The following KLK13 variants were observed in gnomAD, a reference collection of about 807,000 sequenced individuals.
KLK13 encodes the protein kallikrein-13.
Under a neutral mutation model 22.4 loss-of-function variants are expected in KLK13, and 19 were observed. The ratio of observed to expected loss-of-function variants is 0.85; its 90% CI spans 0.59 to 1.24. The LOEUF is 1.24. KLK13 is among the 50% of genes most tolerant of loss of function. The probability of loss-of-function intolerance (pLI) is 0.00; values close to 1 mark genes in which losing one functional copy is unlikely to be tolerated. For synonymous variants in KLK13, 156 were observed against 141.8 expected (o/e 1.10, Z -0.71); for missense variants, 311 against 347.9 (o/e 0.89, Z 0.84).
At chr19:51,063,664 G>A (rs781053700) in intron 1 of KLK13, 45 of 456,550 alleles carry the variant, frequency 9.9e-5, no homozygotes, top group South Asian at 4.2e-4. Flanking sequence ...GGAGTGGCAC[G>A]GGCATGAATC....
chr19:51,058,716 T>C, intron 3 of KLK13, 42 bp from the exon 4 acceptor site: 1 of 1,607,674 alleles, frequency 6.2e-7, no homozygotes, highest in Non-Finnish European at 8.5e-7. Context: ...CCGACCTGGA[T>C]AGGATATGGG....
At chr19:51,061,479 A>G (rs2091730822) in intron 1 of KLK13, among the ~76,000 whole-genome samples, 2 of 152,210 alleles carry the variant, frequency 1.3e-5, no homozygotes, top group Admixed American at 1.3e-4. Context: ...CTCAATCAAA[A>G]CTGTTCGCTC....
upstream of KLK13, chr19:51,065,154 C>A (rs761895493): frequency 9.9e-5 from 89 of 901,876 alleles, no homozygotes; most frequent in Non-Finnish European, 1.4e-4. Context: ...GGAACCTCCG[C>A]GTCTGAAACC....
intron 2 of KLK13, 35 bp downstream of exon 2, chr19:51,060,398 C>A: frequency 6.5e-7 from 1 of 1,538,418 alleles, no homozygotes; most frequent in South Asian, 1.2e-5. Flanking sequence ...GTCCCATTCT[C>A]ATCCCTACCC....
At chr19:51,064,662 T>A (rs1040890468) in intron 1 of KLK13, 5 of 574,716 alleles carry the variant, frequency 8.7e-6, no homozygotes, top group Admixed American at 2.0e-5. Flanking sequence ...ATTTTCCAGA[T>A]GAAAACAATT....
intron 2 of KLK13, 132 bp downstream of exon 2, chr19:51,060,301 C>G: frequency 8.8e-7 from 1 of 1,133,358 alleles, no homozygotes; most frequent in Non-Finnish European, 1.2e-6. Flanking sequence ...TATCTCAACC[C>G]CAAACCTCAT....
upstream of KLK13, chr19:51,065,146 A>G: frequency 9.6e-7 from 1 of 1,038,682 alleles, no homozygotes. Flanking sequence ...GCGTGCCCGG[A>G]ACCTCCGCGT....
At chr19:51,056,851 GGA>G in intron 4 of KLK13, 76 bp from the exon 5 acceptor site, 1 of 1,133,736 alleles carries the variant, frequency 8.8e-7, no homozygotes, top group Non-Finnish European at 1.3e-6. Context: ...GGAGGTGTGG[GGA>G]GAGAGTGAAA....
intron 1 of KLK13, among the ~76,000 whole-genome samples, chr19:51,062,288 C>T (rs779848409): frequency 1.9e-4 from 29 of 152,102 alleles, no homozygotes; most frequent in Non-Finnish European, 4.3e-4. Context: ...GAGGTCAGCT[C>T]AAATGTCTCC....
Position 51,058,646 on chromosome 19 carries a change from G to A in KLK13, c.537C>T (p.Ala179=). 1 of 1,614,130 alleles carries A rather than the reference G, an allele frequency of 6.2e-7. No individual in the cohort carries two copies. Among genetic ancestry groups the A allele is most frequent in the Non-Finnish European group, 8.5e-7 (1 of 1,180,016 alleles). The stretch of plus-strand genomic sequence containing the variant: ...CCTCATCTGAGCGAAGTTGGATGTT[G>A]GCACATTGTAGAGTTTTGGGGTAAT... ...QVNYPKTLQC[A]NIQLRSDEEC... The change falls in exon 4 of 5, where the codon GCC becomes GCT. Residue 179 remains alanine (A), a synonymous_variant. Coordinates refer to ENST00000595793, the MANE Select transcript of KLK13 (RefSeq NM_015596.3).
intron 4 of KLK13, 40 bp from the exon 5 acceptor site, chr19:51,056,815 G>C (rs1431944139): frequency 2.0e-6 from 3 of 1,535,880 alleles, no homozygotes; most frequent in East Asian, 2.3e-5. Context: ...GTGGGTCCTT[G>C]CTGGGGCTAA....
intron 2 of KLK13, 150 bp from the exon 3 acceptor site, chr19:51,060,243 T>A: frequency 8.8e-7 from 1 of 1,132,012 alleles, no homozygotes. Flanking sequence ...TCAACTTCAA[T>A]CCCATCCAAA....
At chr19:51,059,279 C>A (rs189872047) in intron 3 of KLK13, among the ~76,000 whole-genome samples, 1 of 149,072 alleles carries the variant, frequency 6.7e-6, no homozygotes, top group Non-Finnish European at 1.5e-5. Flanking sequence ...TCATTAATAA[C>A]CATATTTAAT....
At chr19:51,064,472 A>T in intron 1 of KLK13, 1 of 301,108 alleles carries the variant, frequency 3.3e-6, no homozygotes, top group Non-Finnish European at 6.5e-6. Flanking sequence ...TGGGAGACAG[A>T]GCAAGGTTCC....
chr19:51,063,493 T>C, intron 1 of KLK13: 1 of 354,888 alleles, frequency 2.8e-6, no homozygotes, highest in Non-Finnish European at 5.6e-6. Flanking sequence ...GGATTCTGAC[T>C]CAGGCATCGC....
chr19:51,062,812 G>A (rs2091742651), intron 1 of KLK13, among the ~76,000 whole-genome samples: 1 of 152,212 alleles, frequency 6.6e-6, no homozygotes, highest in South Asian at 2.1e-4. Flanking sequence ...AGAGCACTCA[G>A]TCAGTGGGAA....
intron 1 of KLK13, chr19:51,064,784 G>A: frequency 1.6e-6 from 1 of 622,268 alleles, no homozygotes; most frequent in South Asian, 1.7e-5. Flanking sequence ...GGGAGGGGCT[G>A]CTGCGAGGGT....
intron 4 of KLK13, among the ~76,000 whole-genome samples, chr19:51,057,372 C>T (rs906951494): frequency 6.6e-6 from 1 of 152,148 alleles, no homozygotes; most frequent in East Asian, 1.9e-4. Context: ...CTATTTTTTG[C>T]TCATGTAGTA....
intron 2 of KLK13, 69 bp downstream of exon 2, chr19:51,060,364 A>C (rs910711192): frequency 3.4e-6 from 5 of 1,470,360 alleles, no homozygotes; most frequent in African/African-American, 1.4e-5. Flanking sequence ...CCTCAAATCC[A>C]ACTCTACCCC....
Sources: allele counts gnomAD v4.1 joint callset (sites outside exome capture counted in the v4.1 genomes callset), GRCh38; gene constraint gnomAD v4.1.1; transcripts MANE v1.5; gene names NCBI Gene and HGNC (gene_info 2026-07-23, HGNC 2026-07-21).